The following SRPK1 variants were observed in gnomAD, a reference collection of about 807,000 sequenced individuals.
SRPK1 encodes the protein SFRS protein kinase 1.
A neutral mutation model predicts 89.5 loss-of-function variants in SRPK1; 52 were observed. The ratio of observed to expected loss-of-function variants is 0.58; its 90% CI spans 0.46 to 0.73. The LOEUF (loss-of-function observed/expected upper bound fraction) is 0.73. SRPK1 is among the 30% of genes least tolerant of loss of function. The pLI, the probability that SRPK1 is intolerant of heterozygous loss-of-function variation, is 0.00. For missense variants in SRPK1, 603 were observed against 780.6 expected (o/e 0.77, Z 2.71); for synonymous variants, 255 against 270.2 (o/e 0.94, Z 0.55).
At chr6:35,903,220 A>G (rs1006928492) in intron 2 of SRPK1, among the ~76,000 whole-genome samples, 2 of 152,174 alleles carry the variant, frequency 1.3e-5, no homozygotes, top group African/African-American at 4.8e-5. Flanking sequence ...TTCAGGAAAC[A>G]AAAGTTCACA....
chr6:35,913,890 A>C (rs1027311273), intron 2 of SRPK1, among the ~76,000 whole-genome samples: 1 of 151,946 alleles, frequency 6.6e-6, no homozygotes, highest in Admixed American at 6.5e-5. Flanking sequence ...TTATGTAAAA[A>C]GCACACTATA....
chr6:35,851,130 CA>C (rs1292571091), intron 13 of SRPK1, among the ~76,000 whole-genome samples: 1 of 151,734 alleles, frequency 6.6e-6, no homozygotes, highest in Non-Finnish European at 1.5e-5. Flanking sequence ...ATGATGATGG[CA>C]TGGGCTATAA....
chr6:35,879,918 A>C (rs1163335833), intron 6 of SRPK1, among the ~76,000 whole-genome samples: 1 of 151,804 alleles, frequency 6.6e-6, no homozygotes, highest in Admixed American at 6.6e-5. Flanking sequence ...CAAAATTTTA[A>C]AAATTAGCTG....
intron 6 of SRPK1, among the ~76,000 whole-genome samples, chr6:35,882,150 A>AGTAGTC (rs1289392843): frequency 1.3e-5 from 2 of 149,132 alleles, no homozygotes; most frequent in African/African-American, 2.5e-5. Context: ...TAGTAGTAGT[A>AGTAGTC]GTAGTAGTAG....
At chr6:35,901,795 T>C (rs1218383021) in intron 2 of SRPK1, among the ~76,000 whole-genome samples, 1 of 152,234 alleles carries the variant, frequency 6.6e-6, no homozygotes, top group Non-Finnish European at 1.5e-5. Flanking sequence ...TGAAAGATTT[T>C]TTTCTTTTGC....
rs1769981612 is a variant in SRPK1 at position 35,869,377 on chromosome 6, C to T, written c.1411+105G>A. 9.6e-6 allele frequency: 13 copies of T among 1,352,176 alleles called. 2 individuals are homozygous for T. The highest frequency in any genetic ancestry group is 1.9e-4 in the Middle Eastern group (1 of 5,270). The allele number at this position is 1,352,176 out of a possible 1,614,324, so 83.8% of individuals were successfully genotyped here. A position where few individuals can be genotyped will look rare whatever the true frequency, so the allele number is the denominator to read the frequency against. On this transcript the variant is annotated intron_variant, in intron 11 of 15. Transcript: ENST00000373825. ...CAATTTAAACGTAACTTAGACACAC[C>T]TGTTGTAAAGCTATAGTTACAAAAA...
At chr6:35,903,503 C>G (rs1486798200) in intron 2 of SRPK1, among the ~76,000 whole-genome samples, 3 of 149,688 alleles carry the variant, frequency 2.0e-5, no homozygotes, top group Admixed American at 6.7e-5. Context: ...CAGAGTGAGA[C>G]TGTCTCCAAA....
chr6:35,871,123 C>A, intron 8 of SRPK1, 164 bp from the exon 9 acceptor site: 2 of 403,096 alleles, frequency 5.0e-6, no homozygotes, highest in South Asian at 8.3e-5. Context: ...TATATTATTA[C>A]CATTTTTAAA....
chr6:35,847,488 A>G (rs1187408427), intron 13 of SRPK1, among the ~76,000 whole-genome samples: 1 of 152,186 alleles, frequency 6.6e-6, no homozygotes, highest in African/African-American at 2.4e-5. Flanking sequence ...GATTACAGGC[A>G]TAAGCCACCA....
intron 2 of SRPK1, among the ~76,000 whole-genome samples, chr6:35,917,605 C>T (rs1771139538): frequency 6.6e-6 from 1 of 152,206 alleles, no homozygotes; most frequent in South Asian, 2.1e-4. Context: ...CTCTAACAAA[C>T]ACAGAGCTGG....
intron 2 of SRPK1, among the ~76,000 whole-genome samples, chr6:35,901,082 T>C (rs887668809): frequency 6.6e-6 from 1 of 152,212 alleles, no homozygotes; most frequent in African/African-American, 2.4e-5. Context: ...TTTACTTACA[T>C]ATAAACTTTA....
chr6:35,851,774 G>A (rs550720170), intron 13 of SRPK1, among the ~76,000 whole-genome samples: 1 of 152,256 alleles, frequency 6.6e-6, no homozygotes, highest in South Asian at 2.1e-4. Flanking sequence ...AGACATCATG[G>A]GACTTGATGA....
intron 13 of SRPK1, among the ~76,000 whole-genome samples, chr6:35,854,452 AC>A (rs1323816313): frequency 1.3e-5 from 2 of 152,168 alleles, no homozygotes. Flanking sequence ...ATTTAAAGCA[AC>A]ATTTTGTTTT....
chr6:35,854,715 TAAA>T (rs760041523), intron 13 of SRPK1, among the ~76,000 whole-genome samples: 1 of 130,786 alleles, frequency 7.6e-6, no homozygotes, highest in Non-Finnish European at 1.7e-5. Context: ...AAATGTGGAA[TAAA>T]AAAAAAATGT....
chr6:35,839,546 G>A (rs1298426173), intron 14 of SRPK1, among the ~76,000 whole-genome samples: 1 of 152,084 alleles, frequency 6.6e-6, no homozygotes, highest in Non-Finnish European at 1.5e-5. Flanking sequence ...TATGGACCAT[G>A]AGCACAACCA....
chr6:35,888,814 C>T lies in SRPK1; in HGVS notation c.302+1G>A. 1 of 1,591,078 alleles carries T rather than the reference C, an allele frequency of 6.3e-7. No individual in the cohort carries two copies. Among genetic ancestry groups the T allele is most frequent in the Non-Finnish European group, 8.6e-7 (1 of 1,159,506 alleles). On this transcript the variant is annotated splice_donor_variant, in intron 4 of 15. Transcript: ENST00000373825. LOFTEE classifies it high-confidence loss of function. ...TCTTTTACAGAACCACTAAAACTTA[C>T]TGAATATCCCATGATAACCATACTG...
chr6:35,842,494 G>A, intron 14 of SRPK1, 41 bp downstream of exon 14: 1 of 1,511,770 alleles, frequency 6.6e-7, no homozygotes, highest in Non-Finnish European at 9.1e-7. Flanking sequence ...TGTGGAAAGT[G>A]TAAATACCAC....
At chr6:35,919,928 C>A (rs2127273766) in intron 2 of SRPK1, 1 of 374,088 alleles carries the variant, frequency 2.7e-6, no homozygotes, top group East Asian at 7.2e-5. Context: ...GCAAAAAAGC[C>A]GATACGCCTT....
At chr6:35,860,506 G>A (rs1769759453) in intron 12 of SRPK1, among the ~76,000 whole-genome samples, 1 of 152,196 alleles carries the variant, frequency 6.6e-6, no homozygotes, top group Admixed American at 6.5e-5. Flanking sequence ...CATGGTGTGG[G>A]CAGGAAATTG....
Sources: allele counts gnomAD v4.1 joint callset (sites outside exome capture counted in the v4.1 genomes callset), GRCh38; gene constraint gnomAD v4.1.1; transcripts MANE v1.5; gene names NCBI Gene and HGNC (gene_info 2026-07-23, HGNC 2026-07-21).